PCDH7: variants seen among roughly 807,000 people sequenced by gnomAD.
The protein encoded by PCDH7 is protocadherin-7.
PCDH7 carries 17 observed loss-of-function variants against 58.9 expected under a neutral mutation model. That is an observed-to-expected ratio of 0.29 (90% CI 0.20 to 0.43). The LOEUF is 0.43. Ranked by LOEUF, PCDH7 falls within the 20% of genes least tolerant of loss-of-function variation. The pLI is 1.00. For missense variants in PCDH7, 1,274 were observed against 1,441.0 expected, an observed-to-expected ratio of 0.88 and a Z score of 1.88; for synonymous variants, 664 against 616.4, an observed-to-expected ratio of 1.08 and a Z score of -1.14.
At chr4:31,025,381 T>C (rs1018896940) in intron 3 of PCDH7, among the ~76,000 whole-genome samples, 1 of 152,202 alleles carries the variant, frequency 6.6e-6, no homozygotes, top group Non-Finnish European at 1.5e-5. Flanking sequence ...GTAGTTCTTC[T>C]AATAATTGGA....
At chr4:31,001,152 G>A (rs559349355) in intron 3 of PCDH7, among the ~76,000 whole-genome samples, 5 of 151,574 alleles carry the variant, frequency 3.3e-5, no homozygotes, top group African/African-American at 9.7e-5. Flanking sequence ...AAAAACCTGC[G>A]GACAAAAAAA....
At chr4:31,051,841 G>GT (rs1490006204) in intron 3 of PCDH7, among the ~76,000 whole-genome samples, 4 of 135,448 alleles carry the variant, frequency 3.0e-5, no homozygotes, top group Admixed American at 2.2e-4. Context: ...TGTGGGGGGC[G>GT]GGTAGGGGAA....
intron 3 of PCDH7, among the ~76,000 whole-genome samples, chr4:31,065,720 TTA>T (rs1235295094): frequency 6.6e-6 from 1 of 151,948 alleles, no homozygotes. Flanking sequence ...GTGCTTTAGT[TTA>T]TTCTGCTTTT....
At chr4:31,125,201 G>T (rs758714683) in intron 3 of PCDH7, among the ~76,000 whole-genome samples, 4 of 152,152 alleles carry the variant, frequency 2.6e-5, no homozygotes, top group Non-Finnish European at 5.9e-5. Flanking sequence ...CTGAGGGACA[G>T]CTGTGGGAGA....
At chr4:31,111,281 G>A (rs947261143) in intron 3 of PCDH7, among the ~76,000 whole-genome samples, 1 of 148,604 alleles carries the variant, frequency 6.7e-6, no homozygotes, top group South Asian at 2.1e-4. Flanking sequence ...TTACTATCTT[G>A]AAAACTATAG....
chr4:30,902,478 T>A (rs1336107658), intron 1 of PCDH7, among the ~76,000 whole-genome samples: 1 of 152,172 alleles, frequency 6.6e-6, no homozygotes, highest in Non-Finnish European at 1.5e-5. Context: ...CATGCTTTAT[T>A]ATTAATGCTA....
intron 1 of PCDH7, among the ~76,000 whole-genome samples, chr4:30,741,593 C>G (rs1007055762): frequency 6.6e-6 from 1 of 152,168 alleles, no homozygotes; most frequent in African/African-American, 2.4e-5. Context: ...CCCTGCAGGT[C>G]CCAATGCCCA....
chr4:30,740,958 A>G (rs1288927211), intron 1 of PCDH7, among the ~76,000 whole-genome samples: 1 of 152,164 alleles, frequency 6.6e-6, no homozygotes, highest in African/African-American at 2.4e-5. Context: ...ATCTGAAGTT[A>G]ATTCTTTATG....
chr4:31,013,013 T>A lies in PCDH7; in HGVS notation c.*7+62798T>A, dbSNP rs555869900. 1.5e-4 allele frequency among the ~76,000 whole-genome samples: 23 copies of A among 149,214 alleles called. 2 individuals are homozygous for A. In the South Asian group the frequency reaches 5.2e-3, roughly 33 times the overall value. ...CTGGGCAACAAAGTGAGAGATGGTC[T>A]CTACAAAATATAAAATGAAATAAAT... is the stretch of plus-strand genomic sequence containing the variant. On this transcript the variant is annotated intron_variant, in intron 3 of 3. Coordinates refer to the PCDH7 transcript ENST00000509759.
rs965380601 is a variant in PCDH7, at chr4:30,721,008, G to C, written c.-415G>C. 5.7e-6 allele frequency: 1 copy of C among 175,504 alleles called. No individual in the cohort carries two copies. The highest frequency in any genetic ancestry group is 1.2e-5 in the Non-Finnish European group (1 of 84,366). The allele number at this position is 175,504 out of a possible 1,614,324, so 10.9% of individuals were successfully genotyped here. The stretch of plus-strand genomic sequence containing the variant: ...AGCCCCACTGCCCGTCTGCCGGAGC[G>C]GTTCTGGCCCCTTCCGACAGAGCGG... On this transcript the variant is annotated 5_prime_UTR_variant, in exon 1 of 2. Transcript: ENST00000361762. The surrounding 1 kb of genome is among the most constrained non-coding windows in gnomAD (Gnocchi z 6.7).
At position 31,032,928 on chromosome 4, in the gene PCDH7, CA is replaced by C. The variant is rs143157679; in HGVS notation, c.*7+82715del. ...TTTGTGCAGTAACTTTTCCTTTGGT[CA>C]AGTCTCTGCCTTTTTTGGTAATTAT... On this transcript the variant is annotated intron_variant, in intron 3 of 3. Transcript: ENST00000509759. Among the ~76,000 whole-genome samples, 1,419 of 152,106 alleles carry C rather than the reference CA, an allele frequency of 9.3e-3. 26 individuals carry two copies. The highest frequency in any genetic ancestry group is 0.032 in the African/African-American group (1,349 of 41,516).
chr4:30,941,424 G>A (rs1480726658), intron 2 of PCDH7, among the ~76,000 whole-genome samples: 1 of 151,870 alleles, frequency 6.6e-6, no homozygotes, highest in East Asian at 1.9e-4. Context: ...CAAGACTGAA[G>A]CGTTTTTGAC....
intron 1 of PCDH7, among the ~76,000 whole-genome samples, chr4:30,809,753 G>A (rs1408673365): frequency 6.6e-6 from 1 of 152,146 alleles, no homozygotes; most frequent in South Asian, 2.1e-4. Context: ...AAGGGACACA[G>A]ATTTTTCCGT....
rs1560589971 is a variant in PCDH7 at position 31,032,672 on chromosome 4, G to GGC, written c.*7+82457_*7+82458insGC. ...AGAGAGAGAGAGGAAGGAAGGAAGG[G>GGC]AGGGAGGGAGGGAGGGAGGGAGGGA... On this transcript the variant is annotated intron_variant, in intron 3 of 3. Transcript: ENST00000509759. 5.6e-4 allele frequency among the ~76,000 whole-genome samples: 27 copies of GGC among 48,082 alleles called. 2 individuals are homozygous for GGC. Among genetic ancestry groups the GGC allele is most frequent in the African/African-American group, 1.8e-3 (20 of 11,352 alleles). The allele number at this position is 48,082 out of a possible 152,430, so 31.5% of individuals were successfully genotyped here.
intron 3 of PCDH7, among the ~76,000 whole-genome samples, chr4:30,997,845 A>G (rs768505229): frequency 6.6e-6 from 1 of 152,134 alleles, no homozygotes; most frequent in Non-Finnish European, 1.5e-5. Context: ...ATTTTTATTG[A>G]GGGATGGCAG....
At chr4:31,140,055 A>T (rs906700674) in intron 3 of PCDH7, among the ~76,000 whole-genome samples, 2 of 152,228 alleles carry the variant, frequency 1.3e-5, no homozygotes, top group South Asian at 4.1e-4. Context: ...GACTGAAGGA[A>T]AGAACTGAAG....
chr4:30,978,533 A>C (rs763615255), intron 3 of PCDH7, among the ~76,000 whole-genome samples: 11 of 152,186 alleles, frequency 7.2e-5, no homozygotes, highest in Non-Finnish European at 1.6e-4. Context: ...ATTTGGTTCA[A>C]ACGTGCATAT....
chr4:30,954,665 G>A (rs1279194852), intron 3 of PCDH7, among the ~76,000 whole-genome samples: 3 of 152,148 alleles, frequency 2.0e-5, no homozygotes. Context: ...AGAAAGACGA[G>A]TGAAAAGCAG....
intron 1 of PCDH7, among the ~76,000 whole-genome samples, chr4:30,792,006 T>C (rs960356159): frequency 6.6e-6 from 1 of 152,206 alleles, no homozygotes; most frequent in Non-Finnish European, 1.5e-5. Flanking sequence ...GTGTCTATTA[T>C]ATTTGATGAG....
Sources: allele counts gnomAD v4.1 joint callset (sites outside exome capture counted in the v4.1 genomes callset), GRCh38; gene constraint gnomAD v4.1.1; non-coding constraint Gnocchi (gnomAD v3.1); transcripts MANE v1.5; gene names NCBI Gene and HGNC (gene_info 2026-07-23, HGNC 2026-07-21).